The following GRM8 variants were observed in gnomAD, a reference collection of about 807,000 sequenced individuals.
GRM8 encodes the protein metabotropic glutamate receptor 8.
A neutral mutation model predicts 87.2 loss-of-function variants in GRM8; 47 were observed. The observed-to-expected ratio is 0.54, with a 90% CI of 0.43 to 0.69. The LOEUF (loss-of-function observed/expected upper bound fraction) is 0.69, where lower values mean the gene tolerates loss of function less well. GRM8 is among the 30% of genes least tolerant of loss of function. The pLI is 0.00. For synonymous variants in GRM8, 396 were observed against 404.5 expected, an observed-to-expected ratio of 0.98 and a Z score of 0.25; for missense variants, 1,019 against 1,139.2, an observed-to-expected ratio of 0.89 and a Z score of 1.52.
At chr7:126,803,074 C>G (rs1411272870) in intron 6 of GRM8, among the ~76,000 whole-genome samples, 2 of 152,194 alleles carry the variant, frequency 1.3e-5, no homozygotes, top group Non-Finnish European at 2.9e-5. Flanking sequence ...AGTCACTTAT[C>G]TATTCGTAAA....
chr7:126,472,547 G>A (rs1437093821), intron 9 of GRM8, among the ~76,000 whole-genome samples: 1 of 152,134 alleles, frequency 6.6e-6, no homozygotes, highest in African/African-American at 2.4e-5. Flanking sequence ...ACTTAAAATG[G>A]AAGCAGAGCA....
chr7:126,632,837 A>T (rs1347083754), intron 7 of GRM8, among the ~76,000 whole-genome samples: 1 of 152,084 alleles, frequency 6.6e-6, no homozygotes, highest in Non-Finnish European at 1.5e-5. Context: ...AATGATGGGC[A>T]CCTATGGAGA....
chr7:126,671,572 A>G (rs1806387848), intron 7 of GRM8, among the ~76,000 whole-genome samples: 1 of 152,190 alleles, frequency 6.6e-6, no homozygotes, highest in Non-Finnish European at 1.5e-5. Context: ...TTTTAGATCA[A>G]CCCTACTTGT....
intron 6 of GRM8, among the ~76,000 whole-genome samples, chr7:126,831,618 C>G (rs1324107466): frequency 6.6e-6 from 1 of 152,152 alleles, no homozygotes; most frequent in South Asian, 2.1e-4. Flanking sequence ...CTTTCCTTGA[C>G]CAGGAAAGGG....
chr7:127,000,794 G>A (rs114449214), intron 3 of GRM8, among the ~76,000 whole-genome samples: 1,698 of 151,696 alleles, frequency 0.011, 35 homozygotes, highest in African/African-American at 0.039. Flanking sequence ...GTGACACGAC[G>A]ATGCAAATGT....
rs769583623 is a variant in GRM8 at position 126,446,248 on chromosome 7, C to T, written c.2555G>A (p.Arg852His). The T allele has an allele frequency of 1.4e-5, 23 of 1,612,692 alleles. No individual in the cohort carries two copies. The highest frequency in any genetic ancestry group is 3.3e-5 in the Admixed American group (2 of 59,820). ...IFHPEQNVQK[R>H]KRSFKAVVTA... ...CACCACAGCCTTGAAGCTCCTCTTG[C>T]GTTTTTGAACATTCTGTTCTGGATG... Residue 852 changes from arginine (R) to histidine (H), a missense_variant, in exon 10 of 11, where the codon CGC becomes CAC. Coordinates refer to ENST00000339582, the MANE Select transcript of GRM8 (RefSeq NM_000845.3).
chr7:126,967,306 C>T (rs1235986702), intron 3 of GRM8, among the ~76,000 whole-genome samples: 1 of 152,154 alleles, frequency 6.6e-6, no homozygotes, highest in Non-Finnish European at 1.5e-5. Context: ...ATCCATTTAA[C>T]AGCAATGGAA....
intron 6 of GRM8, among the ~76,000 whole-genome samples, chr7:126,896,244 T>A (rs1266096939): frequency 1.3e-5 from 2 of 151,544 alleles, no homozygotes; most frequent in Admixed American, 6.6e-5. Context: ...AAATTCAACA[T>A]GAAATCTCAG....
At chr7:126,577,501 T>C (rs551889823) in intron 8 of GRM8, among the ~76,000 whole-genome samples, 103 of 152,220 alleles carry the variant, frequency 6.8e-4, no homozygotes, top group African/African-American at 2.3e-3. Flanking sequence ...TTCTGTGAAA[T>C]TTCCAAAGTG....
chr7:126,930,595 C>A (rs1462934646), intron 3 of GRM8, among the ~76,000 whole-genome samples: 1 of 152,202 alleles, frequency 6.6e-6, no homozygotes, highest in Non-Finnish European at 1.5e-5. Flanking sequence ...GTTTTCATTT[C>A]CTCTGATAAT....
intron 8 of GRM8, among the ~76,000 whole-genome samples, chr7:126,572,751 A>T (rs954110612): frequency 1.3e-5 from 2 of 152,206 alleles, no homozygotes; most frequent in East Asian, 3.8e-4. Flanking sequence ...AATCCATGAA[A>T]TGATATTCCA....
chr7:126,815,722 C>T (rs938961593), intron 6 of GRM8, among the ~76,000 whole-genome samples: 1 of 152,040 alleles, frequency 6.6e-6, no homozygotes, highest in Non-Finnish European at 1.5e-5. Flanking sequence ...GTTCTTGGAC[C>T]CAAAACATCT....
intron 9 of GRM8, among the ~76,000 whole-genome samples, chr7:126,501,472 G>T (rs1263129187): frequency 6.6e-6 from 1 of 152,054 alleles, no homozygotes; most frequent in South Asian, 2.1e-4. Flanking sequence ...GGTTAACCAT[G>T]TGAAGCCTTA....
chr7:126,453,951 C>T (rs928102147), intron 9 of GRM8, among the ~76,000 whole-genome samples: 4 of 151,776 alleles, frequency 2.6e-5, no homozygotes, highest in South Asian at 2.1e-4. Context: ...TGTTTTCCTT[C>T]GTGGATTTCT....
At chr7:127,137,491 G>A (rs561736399) in intron 2 of GRM8, among the ~76,000 whole-genome samples, 43 of 152,212 alleles carry the variant, frequency 2.8e-4, no homozygotes, top group African/African-American at 9.6e-4. Context: ...GGTAATTGCA[G>A]TTGGCTCCTC....
intron 7 of GRM8, among the ~76,000 whole-genome samples, chr7:126,653,375 C>T (rs982422549): frequency 1.0e-4 from 15 of 150,356 alleles, no homozygotes; most frequent in South Asian, 8.5e-4. Context: ...TAGGGGGATT[C>T]ATTCAAACCA....
intron 6 of GRM8, among the ~76,000 whole-genome samples, chr7:126,780,273 T>C (rs960419677): frequency 6.6e-6 from 1 of 152,154 alleles, no homozygotes; most frequent in East Asian, 1.9e-4. Context: ...TTTAACCTCC[T>C]ATGCACCTTA....
At chr7:127,229,842 G>T (rs1797572025) in intron 2 of GRM8, 1 of 152,126 alleles carries the variant, frequency 6.6e-6, no homozygotes, top group African/African-American at 2.4e-5. Context: ...TAGGAAAATG[G>T]AAAAGAACCG....
chr7:126,771,416 T>C (rs1028941421), intron 6 of GRM8, among the ~76,000 whole-genome samples: 4 of 151,946 alleles, frequency 2.6e-5, no homozygotes, highest in Non-Finnish European at 2.9e-5. Context: ...TGAATTCTGC[T>C]CCTCCCTGTT....
Sources: gnomAD v4.1 joint callset for allele counts (sites outside exome capture counted in the v4.1 genomes callset) on GRCh38, gnomAD v4.1.1 for gene constraint, MANE v1.5 for transcripts, NCBI Gene and HGNC (gene_info 2026-07-23, HGNC 2026-07-21) for gene names.